Variants in DCLK1 observed in about 807,000 individuals in gnomAD.
DCLK1 encodes the protein serine/threonine-protein kinase DCLK1.
DCLK1 carries 16 observed loss-of-function variants against 86.2 expected under a neutral mutation model. That is an observed-to-expected ratio of 0.19 (90% CI 0.13 to 0.28). The LOEUF (loss-of-function observed/expected upper bound fraction) is 0.28, where lower values mean the gene tolerates loss of function less well. DCLK1 is among the 10% of genes least tolerant of loss of function. The pLI is 1.00. For missense variants in DCLK1, 590 were observed against 940.2 expected, an observed-to-expected ratio of 0.63 and a Z score of 4.87; for synonymous variants, 369 against 370.5, an observed-to-expected ratio of 1.00 and a Z score of 0.05.
intron 3 of DCLK1, among the ~76,000 whole-genome samples, chr13:36,002,475 A>G (rs922082481): frequency 6.6e-6 from 1 of 152,236 alleles, no homozygotes; most frequent in Non-Finnish European, 1.5e-5. Context: ...GAGGAATGGC[A>G]ATCTTTTTTA....
rs144556074 is a variant in DCLK1, at chr13:35,963,281, C to T, written c.724-15824G>A. 4.6e-5 allele frequency among the ~76,000 whole-genome samples: 7 copies of T among 152,268 alleles called. No homozygotes were observed. In the East Asian group the frequency reaches 1.4e-3, roughly 29 times the overall value. Reference sequence around the variant, plus strand: ...CTGGGGAGGTGAATTTTCTTATGAGCCTACTACGCTTGAGACACTAAAAAC... The same window carrying T: ...CTGGGGAGGTGAATTTTCTTATGAGTCTACTACGCTTGAGACACTAAAAAC... On this transcript the variant is annotated intron_variant, in intron 3 of 16. Coordinates refer to ENST00000360631, the MANE Select transcript of DCLK1 (RefSeq NM_001330071.2).
rs1187132250 is a variant in DCLK1, at chr13:35,770,460, T to C, written c.*4075A>G. The C allele has an allele frequency of 6.6e-6, 1 of 152,168 alleles. No individual in the cohort carries two copies. Among genetic ancestry groups the C allele is most frequent in the Non-Finnish European group, 1.5e-5 (1 of 68,028 alleles). 9.4% of individuals were successfully genotyped at this position (152,168 alleles called of 1,614,324 possible). A position where few individuals can be genotyped will look rare whatever the true frequency, so the allele number is the denominator to read the frequency against. On this transcript the variant is annotated 3_prime_UTR_variant, in exon 17 of 17. Transcript: ENST00000360631. ...TTTGACAATTAAGTAAGGAAATCTTTATCCCCAAAAGAAGCACGTATCTTA... is the reference window on the plus strand; with the variant it reads ...TTTGACAATTAAGTAAGGAAATCTTCATCCCCAAAAGAAGCACGTATCTTA...
At chr13:35,919,087 A>G (rs1875622701) in intron 4 of DCLK1, among the ~76,000 whole-genome samples, 1 of 151,702 alleles carries the variant, frequency 6.6e-6, no homozygotes, top group South Asian at 2.1e-4. Context: ...CTTTTAGTAG[A>G]GACAAGGTTG....
intron 11 of DCLK1, among the ~76,000 whole-genome samples, chr13:35,822,150 TTCTC>T (rs1405157914): frequency 2.0e-5 from 3 of 152,046 alleles, no homozygotes; most frequent in East Asian, 1.9e-4. Context: ...TTTCTTTCTT[TTCTC>T]TCTCTCTTTC....
chr13:35,789,208 G>A (rs2086670206), intron 16 of DCLK1, among the ~76,000 whole-genome samples: 1 of 152,162 alleles, frequency 6.6e-6, no homozygotes, highest in African/African-American at 2.4e-5. Flanking sequence ...AGGGGCTCAT[G>A]TGTTCTTTCA....
chr13:35,815,977 T>A (rs1230139638), intron 11 of DCLK1, among the ~76,000 whole-genome samples: 1 of 152,144 alleles, frequency 6.6e-6, no homozygotes, highest in Admixed American at 6.6e-5. Context: ...TGGAGATATC[T>A]GGGAAGATGG....
intron 4 of DCLK1, among the ~76,000 whole-genome samples, chr13:35,936,230 T>G (rs1462239565): frequency 6.6e-6 from 1 of 152,118 alleles, no homozygotes; most frequent in Non-Finnish European, 1.5e-5. Context: ...TATAGAACAC[T>G]GAATATAGTG....
intron 3 of DCLK1, among the ~76,000 whole-genome samples, chr13:36,050,454 T>C (rs1883082064): frequency 6.6e-6 from 1 of 152,100 alleles, no homozygotes. Flanking sequence ...TGAAATTAAA[T>C]TCAACAGAGA....
chr13:35,991,104 C>A (rs1377096347), intron 3 of DCLK1, among the ~76,000 whole-genome samples: 1 of 152,108 alleles, frequency 6.6e-6, no homozygotes, highest in East Asian at 1.9e-4. Flanking sequence ...TCACCCACCT[C>A]CCCTTCTCCC....
In DCLK1 at chr13:35,940,564, A is replaced by G. The variant is rs145631419; in HGVS notation, c.823+6794T>C. On this transcript the variant is annotated intron_variant, in intron 4 of 16. Transcript: ENST00000360631. ...ATCACCAGCCTCAGGACAAAGCAGC[A>G]GGGCCATCAGGTCTCTTTAACCCAA... Among the ~76,000 whole-genome samples the G allele has an allele frequency of 1.0e-3, 152 of 152,280 alleles. 1 individual carries two copies. The highest frequency in any genetic ancestry group is 3.3e-3 in the African/African-American group (138 of 41,560).
chr13:35,914,332 A>ATATATATATATATACATATAT lies in DCLK1; in HGVS notation c.823+33025_823+33026insATATATGTATATATATATATA, dbSNP rs1370326616. Among the ~76,000 whole-genome samples the ATATATATATATATACATATAT allele has an allele frequency of 5.4e-5, 4 of 74,066 alleles. 1 individual carries two copies. Among genetic ancestry groups the ATATATATATATATACATATAT allele is most frequent in the South Asian group, 5.3e-4 (1 of 1,886 alleles). 48.6% of individuals were successfully genotyped at this position (74,066 alleles called of 152,430 possible). On this transcript the variant is annotated intron_variant, in intron 4 of 16. Transcript: ENST00000360631. The stretch of plus-strand genomic sequence containing the variant: ...GAGACCTTATCTCAGAAAAAAAAAA[A>ATATATATATATATACATATAT]ATATATATATATATATACATATATA...
Position 35,856,115 on chromosome 13 carries a change from T to A in DCLK1, c.941-1522A>T, listed in dbSNP as rs575940953. ...ACCCCATGCTGCATTAATTTGTAGT[T>A]TTGCTTTTGAAATGTATTTGGCAAC... On this transcript the variant is annotated intron_variant, in intron 5 of 16. Transcript: ENST00000360631. Among the ~76,000 whole-genome samples the A allele has an allele frequency of 2.0e-5, 3 of 152,332 alleles. No individual in the cohort carries two copies. In the East Asian group the frequency reaches 5.8e-4, roughly 29 times the overall value.
intron 9 of DCLK1, 79 bp from the exon 10 acceptor site, chr13:35,827,833 T>C (rs942504777): frequency 3.2e-6 from 5 of 1,546,362 alleles, no homozygotes; most frequent in Non-Finnish European, 4.4e-6. Flanking sequence ...AACTATACTA[T>C]GTAAGGGTCA....
Position 35,871,302 on chromosome 13 carries a change from C to G in DCLK1, c.862G>C (p.Ala288Pro), listed in dbSNP as rs1207637180. Residue 288 changes from alanine to proline, a missense_variant, in exon 5 of 17, where the codon GCT (alanine) becomes CCT (proline). By Grantham distance (27) the Ala-to-Pro change is conservative. This residue lies in a region of DCLK1 where 195 missense variants were observed against 365.1 expected (regional missense o/e 0.53). Coordinates refer to ENST00000360631, the MANE Select transcript of DCLK1 (RefSeq NM_001330071.2). ...VVKSTSYTKI[A>P]SSSRRSTTKS... ...GTGGTGCTCCTGCGGGATGATGAAGCTATTTTGGTGTAAGAAGTGGACTTT... is the reference window on the plus strand; with the variant it reads ...GTGGTGCTCCTGCGGGATGATGAAGGTATTTTGGTGTAAGAAGTGGACTTT... 1 of 1,614,000 alleles carries G rather than the reference C, an allele frequency of 6.2e-7. No homozygotes were observed.
rs545330060 is a variant in DCLK1, at chr13:35,773,466, A to T, written c.*1069T>A. The T allele has an allele frequency of 1.9e-4, 29 of 152,000 alleles. No individual in the cohort carries two copies. Among genetic ancestry groups the T allele is most frequent in the African/African-American group, 6.8e-4 (28 of 41,256 alleles). 9.4% of individuals were successfully genotyped at this position (152,000 alleles called of 1,614,324 possible). A position where few individuals can be genotyped will look rare whatever the true frequency, so the allele number is the denominator to read the frequency against. The stretch of plus-strand genomic sequence containing the variant: ...TTAGAACATTCTGGATTGTGTTCCC[A>T]GTGTGCTTTCTCCTCAGCCATCTTG... On this transcript the variant is annotated 3_prime_UTR_variant, in exon 17 of 17. Coordinates refer to ENST00000360631, the MANE Select transcript of DCLK1 (RefSeq NM_001330071.2).
chr13:36,013,654 G>T (rs1159765166), intron 3 of DCLK1, among the ~76,000 whole-genome samples: 5 of 152,180 alleles, frequency 3.3e-5, no homozygotes, highest in Non-Finnish European at 7.3e-5. Context: ...GGACATTTAA[G>T]TCTGCAGAGG....
At chr13:35,781,066 A>C (rs2086516381) in intron 16 of DCLK1, among the ~76,000 whole-genome samples, 1 of 152,252 alleles carries the variant, frequency 6.6e-6, no homozygotes, top group Admixed American at 6.5e-5. Context: ...GTATAAAGAC[A>C]TATGAACTAC....
At chr13:35,778,107 T>C (rs528858461) in intron 16 of DCLK1, among the ~76,000 whole-genome samples, 30 of 152,314 alleles carry the variant, frequency 2.0e-4, no homozygotes, top group African/African-American at 6.5e-4. Context: ...TTCTCTCTCT[T>C]CAAAAACTTT....
intron 3 of DCLK1, among the ~76,000 whole-genome samples, chr13:36,071,013 C>T (rs1189022739): frequency 6.6e-6 from 1 of 152,136 alleles, no homozygotes; most frequent in Non-Finnish European, 1.5e-5. Context: ...CTTGCTTGGC[C>T]TCCAAGCTAG....
Sources: allele counts gnomAD v4.1 joint callset (sites outside exome capture counted in the v4.1 genomes callset), GRCh38; gene constraint gnomAD v4.1.1; regional missense constraint gnomAD v4.1.1; transcripts MANE v1.5; gene names NCBI Gene and HGNC (gene_info 2026-07-23, HGNC 2026-07-21).